Variants in GATA3 observed in about 807,000 individuals in gnomAD.
GATA3 encodes trans-acting T-cell-specific transcription factor GATA-3.
In GATA3, 6 loss-of-function variants were observed where a neutral mutation model predicts 36.0. The observed-to-expected ratio is 0.17, with a 90% confidence interval of 0.09 to 0.33. The LOEUF (loss-of-function observed/expected upper bound fraction) is 0.33. Ranked by LOEUF, GATA3 falls within the 10% of genes least tolerant of loss-of-function variation. The pLI is 1.00. For missense variants in GATA3, 514 were observed against 610.1 expected (o/e 0.84, Z 1.66); for synonymous variants, 326 against 273.0 (o/e 1.19, Z -1.92).
At chr10:8,056,035 TGGGGCCCGGA>T in intron 2 of GATA3, 139 bp downstream of exon 2, 5 of 1,227,142 alleles carry the variant, frequency 4.1e-6, no homozygotes, top group South Asian at 4.0e-5. Flanking sequence ...ACAAAAAAAT[TGGGGCCCGGA>T]AATGGGCGAG....
chr10:8,068,739 C>T (rs144815245), intron 4 of GATA3, among the ~76,000 whole-genome samples: 7 of 152,202 alleles, frequency 4.6e-5, no homozygotes, highest in South Asian at 4.2e-4. Context: ...GGTGACAGAG[C>T]GAGACTCCAT....
At chr10:8,050,154 G>A (rs1027015137), upstream of GATA3, among the ~76,000 whole-genome samples, 1 of 152,238 alleles carries the variant, frequency 6.6e-6, no homozygotes, top group Non-Finnish European at 1.5e-5. Flanking sequence ...TCCCTTCCGC[G>A]CAGCCTCGGC....
Position 8,073,849 on chromosome 10 carries a change from C to T in GATA3, c.1161C>T (p.Pro387=), listed in dbSNP as rs776610598. 4 of 1,614,138 alleles carry T rather than the reference C, an allele frequency of 2.5e-6. No homozygotes were observed. The highest frequency in any genetic ancestry group is 4.5e-5 in the East Asian group (2 of 44,878). Residue 387 remains proline (P), a synonymous_variant, in exon 6 of 6, where the codon CCC becomes CCT. Coordinates refer to ENST00000379328, the MANE Select transcript of GATA3 (RefSeq NM_001002295.2). The part of the protein sequence containing the change: ...KKVHDSLEDF[P]KNSSFNPAAL... ...TGCATGACTCACTGGAGGACTTCCC[C>T]AAGAACAGCTCGTTTAACCCGGCCG...
chr10:8,059,368 A>C (rs1832710286), intron 3 of GATA3, among the ~76,000 whole-genome samples: 1 of 152,238 alleles, frequency 6.6e-6, no homozygotes, highest in South Asian at 2.1e-4. Context: ...GTGTGTGTGC[A>C]TGAGCCTGGC....
At chr10:8,071,490 C>CAT (rs921904940) in intron 5 of GATA3, among the ~76,000 whole-genome samples, 23 of 151,906 alleles carry the variant, frequency 1.5e-4, no homozygotes, top group African/African-American at 4.8e-4. Context: ...TGTCTGATCA[C>CAT]ATATATATAT....
At chr10:8,065,077 G>A (rs1832813294) in intron 4 of GATA3, among the ~76,000 whole-genome samples, 1 of 152,098 alleles carries the variant, frequency 6.6e-6, no homozygotes, top group East Asian at 1.9e-4. Context: ...ACCAAGTCGA[G>A]ATGGGAGGAG....
At chr10:8,064,248 G>C in intron 4 of GATA3, 110 bp downstream of exon 4, 2 of 1,320,080 alleles carry the variant, frequency 1.5e-6, no homozygotes, top group Non-Finnish European at 2.2e-6. Context: ...GCCTCCAATC[G>C]TGTCAGCTGG....
chr10:8,069,455 C>T lies in GATA3; in HGVS notation c.925-18C>T, dbSNP rs543958002. 6.2e-7 allele frequency: 1 copy of T among 1,612,830 alleles called. No individual in the cohort carries two copies. The highest frequency in any genetic ancestry group is 8.5e-7 in the Non-Finnish European group (1 of 1,179,156). On this transcript the variant is annotated intron_variant, in intron 4 of 5. Transcript: ENST00000379328. Reference sequence around the variant, plus strand: ...ACATTTGTTTTGATTTCACCCTCTCCTCTCTCCCCACTCTCAGTCTGCAGC... The same window carrying T: ...ACATTTGTTTTGATTTCACCCTCTCTTCTCTCCCCACTCTCAGTCTGCAGC...
At chr10:8,052,354 T>A (rs898145800), upstream of GATA3, 5 of 152,220 alleles carry the variant, frequency 3.3e-5, no homozygotes, top group African/African-American at 9.7e-5. Flanking sequence ...TACTTCCCCA[T>A]CCAAAATTAG....
chr10:8,068,491 C>T (rs753788305), intron 4 of GATA3, among the ~76,000 whole-genome samples: 1 of 152,186 alleles, frequency 6.6e-6, no homozygotes, highest in Non-Finnish European at 1.5e-5. Context: ...GTGGCTCACG[C>T]CTGTAATACC....
chr10:8,050,947 C>A (rs377084638), upstream of GATA3: 57 of 475,158 alleles, frequency 1.2e-4, no homozygotes, highest in African/African-American at 9.4e-4. Context: ...TCTCCCGGCA[C>A]CTCGGCCCCG....
At chr10:8,052,229 C>T (rs1832514631), upstream of GATA3, 1 of 152,100 alleles carries the variant, frequency 6.6e-6, no homozygotes, top group African/African-American at 2.4e-5. Flanking sequence ...CCTCAAACCA[C>T]CCAGACCAAG....
At position 8,061,089 on chromosome 10, in the gene GATA3, C is replaced by CTCTCTCTCTCTCTT. The variant is rs754738004; in HGVS notation, c.778+2249_778+2250insCTCTCTCTCTCTTT. Among the ~76,000 whole-genome samples, 1,316 of 145,734 alleles carry CTCTCTCTCTCTCTT rather than the reference C, an allele frequency of 9.0e-3. 9 individuals are homozygous for CTCTCTCTCTCTCTT. The highest frequency in any genetic ancestry group is 0.012 in the East Asian group (60 of 4,906). The stretch of plus-strand genomic sequence containing the variant: ...TTGCTCTCTCTCTCTCTCTCTCTCT[C>CTCTCTCTCTCTCTT]TTTTTTACCCCTTTAACCTCTTCTT... On this transcript the variant is annotated intron_variant, in intron 3 of 5. Coordinates refer to ENST00000379328, the MANE Select transcript of GATA3 (RefSeq NM_001002295.2).
chr10:8,063,852 G>A, intron 3 of GATA3, 141 bp from the exon 4 acceptor site: 4 of 1,113,102 alleles, frequency 3.6e-6, no homozygotes, highest in Non-Finnish European at 5.4e-6. Flanking sequence ...TTGGAAAGAG[G>A]TGGGGGTGGA....
chr10:8,047,347 A>G (rs1832404053), intron 1 of GATA3, among the ~76,000 whole-genome samples: 1 of 152,114 alleles, frequency 6.6e-6, no homozygotes, highest in African/African-American at 2.4e-5. Context: ...AGATCCCAAA[A>G]CCACCTCTGT....
rs779164606 is a variant in GATA3 at position 8,064,024 on chromosome 10, C to A, written c.810C>A (p.Thr270=). The change falls in exon 4 of 6, where the codon ACC becomes ACA. Residue 270 remains threonine (T), a synonymous_variant. Transcript: ENST00000379328. ...EGRECVNCGA[T]STPLWRRDGT... is the part of the protein sequence containing the mutation. ...GGGAGTGTGTGAACTGTGGGGCAAC[C>A]TCGACCCCACTGTGGCGGCGAGATG... is the stretch of plus-strand genomic sequence containing the variant. 7 of 1,614,076 alleles carry A rather than the reference C, an allele frequency of 4.3e-6. No individual in the cohort carries two copies. The African/African-American group carries it at 9.3e-5, about 22-fold the overall frequency.
At chr10:8,072,315 C>T (rs1832943186) in intron 5 of GATA3, among the ~76,000 whole-genome samples, 1 of 152,176 alleles carries the variant, frequency 6.6e-6, no homozygotes, top group Non-Finnish European at 1.5e-5. Context: ...CAAGGGTTCT[C>T]CACCCTTGAG....
At chr10:8,051,013 G>GCATCTCCGCGCC, upstream of GATA3, 2 of 515,568 alleles carry the variant, frequency 3.9e-6, no homozygotes, top group Non-Finnish European at 7.9e-6. Context: ...CCGGCCGCGA[G>GCATCTCCGCGCC]CATCTCCGCG....
chr10:8,074,604 G>C lies in GATA3; in HGVS notation c.*581G>C, dbSNP rs941697549. ...CCTCTGCAAAGGAAATACCAGTTCT[G>C]GGCAATCAGTGTTACCGTTCACCAG... On this transcript the variant is annotated 3_prime_UTR_variant, in exon 6 of 6. Coordinates refer to ENST00000379328, the MANE Select transcript of GATA3 (RefSeq NM_001002295.2). The C allele has an allele frequency of 3.0e-5, 7 of 233,836 alleles. No homozygotes were observed. Among genetic ancestry groups the C allele is most frequent in the Admixed American group, 1.7e-4 (3 of 17,786 alleles). 14.5% of individuals were successfully genotyped at this position (233,836 alleles called of 1,614,324 possible).
Sources: allele counts gnomAD v4.1 joint callset (sites outside exome capture counted in the v4.1 genomes callset), GRCh38; gene constraint gnomAD v4.1.1; transcripts MANE v1.5; gene names NCBI Gene and HGNC (gene_info 2026-07-23, HGNC 2026-07-21).